The following ZNF600 variants were observed in gnomAD, a reference collection of about 807,000 sequenced individuals.
ZNF600 encodes the protein zinc finger protein 600, also known as zinc finger protein KR-ZNF1.
A neutral mutation model predicts 7.3 loss-of-function variants in ZNF600; 4 were observed. That is an observed-to-expected ratio of 0.55 (90% CI 0.27 to 1.25). ZNF600 has a LOEUF of 1.25. Among genes scored for constraint, ZNF600 ranks in the 50% most tolerant of loss-of-function variants. The pLI is 0.12. For missense variants in ZNF600, 911 were observed against 922.1 expected (o/e 0.99, Z 0.16); for synonymous variants, 290 against 308.9 (o/e 0.94, Z 0.64).
the ZNF600 span, among the ~76,000 whole-genome samples, chr19:52,807,155 A>G: frequency 1.3e-5 from 2 of 152,172 alleles, no homozygotes; most frequent in Non-Finnish European, 2.9e-5. Flanking sequence ...AACTCTCCAC[A>G]GTCCAGGGCT....
chr19:52,806,530 A>G, the ZNF600 span, among the ~76,000 whole-genome samples: 45 of 149,080 alleles, frequency 3.0e-4, no homozygotes, highest in Non-Finnish European at 5.3e-4. Context: ...ATTATGCTAT[A>G]ACTTTAATAT....
rs757528350 is a variant in ZNF600, at chr19:52,767,299, G to A, written c.664C>T (p.Gln222Ter). The A allele has an allele frequency of 1.9e-5, 30 of 1,613,998 alleles. No individual in the cohort carries two copies. The South Asian group carries it at 3.3e-4, about 18-fold the overall frequency. Residue 222 changes from glutamine to a stop codon, truncating the protein, a stop_gained, in exon 4 of 4, where the codon CAG (glutamine) becomes TAG (stop). Coordinates refer to ENST00000648973, the Ensembl canonical transcript of ZNF600. LOFTEE classifies it low-confidence loss of function (END_TRUNC). ...GATTTTTCTCTCATGTATACTTCCT[G>A]TTTTTGTGGGAGTAGTGAAGAATTC...
the ZNF600 span, chr19:52,797,426 A>C: frequency 6.6e-6 from 1 of 152,266 alleles, no homozygotes; most frequent in Non-Finnish European, 1.5e-5. Flanking sequence ...AAAGAAGTCA[A>C]ATTTTATTTG....
At chr19:52,833,371 T>C in the ZNF600 span, among the ~76,000 whole-genome samples, 1 of 152,104 alleles carries the variant, frequency 6.6e-6, no homozygotes, top group East Asian at 1.9e-4. Flanking sequence ...TTCATGTCAC[T>C]GGGTCACAGG....
the ZNF600 span, among the ~76,000 whole-genome samples, chr19:52,830,826 G>C: frequency 0.02 from 2,995 of 146,562 alleles, 114 homozygotes; most frequent in African/African-American, 0.072. Flanking sequence ...CAAGGGTGGA[G>C]AGCAGGAAGT....
the ZNF600 span, chr19:52,801,617 T>C: frequency 1.2e-6 from 2 of 1,614,162 alleles, no homozygotes; most frequent in East Asian, 4.5e-5. Context: ...GACTTGCTTG[T>C]CTTTGCAATG....
At chr19:52,811,825 G>T in the ZNF600 span, among the ~76,000 whole-genome samples, 2 of 145,758 alleles carry the variant, frequency 1.4e-5, no homozygotes, top group Admixed American at 6.7e-5. Context: ...CCTCTGCCCG[G>T]CCGCCCCTAC....
chr19:52,807,415 G>C, the ZNF600 span, among the ~76,000 whole-genome samples: 1 of 152,158 alleles, frequency 6.6e-6, no homozygotes, highest in African/African-American at 2.4e-5. Flanking sequence ...CTACAGAATC[G>C]AAAGCACAGG....
chr19:52,764,507 G>A (rs1354035892), downstream of ZNF600: 1 of 147,664 alleles, frequency 6.8e-6, no homozygotes, highest in Admixed American at 6.8e-5. Flanking sequence ...CCACCATCCA[G>A]CTTTGATATC....
intron 1 of ZNF600, among the ~76,000 whole-genome samples, chr19:52,779,402 ACT>A (rs2062702659): frequency 6.6e-6 from 1 of 152,072 alleles, no homozygotes; most frequent in African/African-American, 2.4e-5. Flanking sequence ...ATGCCTCTAG[ACT>A]CTAATGTGAA....
At chr19:52,826,660 C>A in the ZNF600 span, among the ~76,000 whole-genome samples, 2 of 151,700 alleles carry the variant, frequency 1.3e-5, no homozygotes. Flanking sequence ...GAGCCGAGAC[C>A]ACACCAATGC....
the ZNF600 span, chr19:52,817,859 C>T: frequency 9.4e-6 from 15 of 1,597,622 alleles, no homozygotes; most frequent in African/African-American, 2.0e-4. Flanking sequence ...CAGGACACTT[C>T]AGACTCAGAG....
chr19:52,812,564 G>T, the ZNF600 span, among the ~76,000 whole-genome samples: 1 of 124,906 alleles, frequency 8.0e-6, no homozygotes, highest in Non-Finnish European at 1.7e-5. Context: ...ATGCTTGAAG[G>T]CAGCATGCTC....
exon 4 of ZNF600, chr19:52,766,204 T>C: frequency 1.2e-6 from 2 of 1,613,736 alleles, no homozygotes; most frequent in Non-Finnish European, 1.7e-6. Flanking sequence ...CTATGAACTC[T>C]GCGATGGCTT....
intron 3 of ZNF600, among the ~76,000 whole-genome samples, chr19:52,770,692 G>A (rs769743096): frequency 6.6e-6 from 1 of 152,172 alleles, no homozygotes; most frequent in Admixed American, 6.6e-5. Context: ...TCCCTGGCCC[G>A]AATGTTCACC....
At chr19:52,767,701 C>T (rs1208122638) in exon 4 of ZNF600, 1 of 1,612,964 alleles carries the variant, frequency 6.2e-7, no homozygotes, top group Non-Finnish European at 8.5e-7. Flanking sequence ...TGCAATGTCC[C>T]TGTGTGGATC....
chr19:52,776,704 TA>T (rs1473850734), intron 2 of ZNF600, among the ~76,000 whole-genome samples: 1 of 152,148 alleles, frequency 6.6e-6, no homozygotes, highest in Non-Finnish European at 1.5e-5. Flanking sequence ...ACAATTATTA[TA>T]AAAAATAAAA....
chr19:52,779,512 G>C (rs10417598), intron 1 of ZNF600, among the ~76,000 whole-genome samples: 5,136 of 152,268 alleles, frequency 0.034, 172 homozygotes, highest in African/African-American at 0.083. Flanking sequence ...AGCATCCAGA[G>C]AGTGGATGAC....
At chr19:52,827,462 A>G in the ZNF600 span, among the ~76,000 whole-genome samples, 1 of 152,148 alleles carries the variant, frequency 6.6e-6, no homozygotes, top group East Asian at 1.9e-4. Context: ...GCCCCGCAGC[A>G]CTGACACCAT....
Sources: gnomAD v4.1 joint callset for allele counts (sites outside exome capture counted in the v4.1 genomes callset) on GRCh38, gnomAD v4.1.1 for gene constraint, MANE v1.5 for transcripts, NCBI Gene and HGNC (gene_info 2026-07-23, HGNC 2026-07-21) for gene names.